The following AGBL1 variants were observed in gnomAD, a reference collection of about 807,000 sequenced individuals.
The protein encoded by AGBL1 is AGBL carboxypeptidase 1, also known as cytosolic carboxypeptidase 4.
In AGBL1, 130 loss-of-function variants were observed where a neutral mutation model predicts 118.9. That is an observed-to-expected ratio of 1.09 (90% CI 0.95 to 1.26). The LOEUF is 1.26. Ranked by LOEUF, AGBL1 falls within the 50% of genes most tolerant of loss-of-function variation. AGBL1 has a pLI of 0.00. For synonymous variants in AGBL1, 555 were observed against 478.9 expected (o/e 1.16, Z -2.08); for missense variants, 1,584 against 1,298.1 (o/e 1.22, Z -3.38).
Position 86,566,207 on chromosome 15 carries a change from T to C in AGBL1, c.2994+11670T>C, listed in dbSNP as rs373164300. ...CAGTTGGAAATGCATACATCACCCG[T>C]CTTCTGCATCAGTCACACTGGGAGC... On this transcript the variant is annotated intron_variant, in intron 21 of 22. Transcript: ENST00000614907. Among the ~76,000 whole-genome samples, 8 of 152,266 alleles carry C rather than the reference T, an allele frequency of 5.3e-5. No individual in the cohort carries two copies. In the East Asian group the frequency reaches 1.5e-3, roughly 29 times the overall value.
At chr15:86,288,874 G>C (rs1378575554) in intron 16 of AGBL1, among the ~76,000 whole-genome samples, 1 of 151,686 alleles carries the variant, frequency 6.6e-6, no homozygotes, top group African/African-American at 2.4e-5. Context: ...CATATTATTT[G>C]ATTCTTAAGA....
chr15:86,574,192 C>T (rs774639576), intron 21 of AGBL1, among the ~76,000 whole-genome samples: 21 of 152,166 alleles, frequency 1.4e-4, no homozygotes, highest in Non-Finnish European at 2.6e-4. Flanking sequence ...AAAAGGAAGG[C>T]GAGAGCATTT....
chr15:86,924,974 C>A (rs2080516028), intron 23 of AGBL1, among the ~76,000 whole-genome samples: 1 of 151,628 alleles, frequency 6.6e-6, no homozygotes, highest in Middle Eastern at 3.4e-3. Flanking sequence ...TGGTGGTGGG[C>A]ACCTGTAGTC....
chr15:86,420,410 G>C (rs2081771087), intron 18 of AGBL1, among the ~76,000 whole-genome samples: 1 of 152,164 alleles, frequency 6.6e-6, no homozygotes. Flanking sequence ...AATCAGAAAG[G>C]AATAGCATCA....
intron 5 of AGBL1, among the ~76,000 whole-genome samples, chr15:86,171,651 G>A (rs1173681110): frequency 6.6e-6 from 1 of 151,936 alleles, no homozygotes; most frequent in East Asian, 1.9e-4. Context: ...TAACTCCTGA[G>A]TGGAGTTCCT....
intron 16 of AGBL1, among the ~76,000 whole-genome samples, chr15:86,286,410 C>A (rs2079448520): frequency 4.1e-5 from 6 of 146,064 alleles, no homozygotes; most frequent in South Asian, 4.4e-4. Context: ...AGACGTTATT[C>A]CTCTTGTCTA....
intron 1 of AGBL1, among the ~76,000 whole-genome samples, chr15:86,106,823 T>C (rs1160617751): frequency 6.6e-6 from 1 of 152,182 alleles, no homozygotes; most frequent in African/African-American, 2.4e-5. Flanking sequence ...GTTCTTGGAG[T>C]TGCTCATAGA....
chr15:86,795,855 G>A (rs1448060551), intron 22 of AGBL1, among the ~76,000 whole-genome samples: 1 of 151,374 alleles, frequency 6.6e-6, no homozygotes, highest in Non-Finnish European at 1.5e-5. Context: ...CAAAGTGCTG[G>A]GATTACAGGC....
At chr15:86,541,136 A>C (rs2142241316) in intron 19 of AGBL1, among the ~76,000 whole-genome samples, 1 of 152,328 alleles carries the variant, frequency 6.6e-6, no homozygotes, top group African/African-American at 2.4e-5. Context: ...AAGATGTAAG[A>C]GGTAAAAGTT....
rs1447633586 is a variant in AGBL1 at position 86,353,262 on chromosome 15, AC to A, written c.2375-44103del. Among the ~76,000 whole-genome samples the A allele has an allele frequency of 5.9e-5, 9 of 152,316 alleles. No individual in the cohort carries two copies. In the East Asian group the frequency reaches 1.7e-3, roughly 29 times the overall value. ...AGGCTGTTGCCAGGAAAAGAGTAAG[AC>A]AGAGTTTCACAAAACTCTATTTGCA... On this transcript the variant is annotated intron_variant, in intron 17 of 22. Coordinates refer to ENST00000614907, the MANE Select transcript of AGBL1 (RefSeq NM_001386094.1).
chr15:86,821,558 A>G (rs1411246411), intron 22 of AGBL1, among the ~76,000 whole-genome samples: 2 of 152,192 alleles, frequency 1.3e-5, no homozygotes, highest in South Asian at 2.1e-4. Flanking sequence ...TAAAGCATTC[A>G]TGATGACTCA....
Position 86,269,901 on chromosome 15 carries a change from C to G in AGBL1, c.1839-18C>G. ...AAGACTTTCCAGATAACCCTCCAGTCTTGCTTCTGATCTGCAGGTTCGAGT... is the reference window on the plus strand; with the variant it reads ...AAGACTTTCCAGATAACCCTCCAGTGTTGCTTCTGATCTGCAGGTTCGAGT... On this transcript the variant is annotated intron_variant, in intron 13 of 22. Coordinates refer to ENST00000614907, the MANE Select transcript of AGBL1 (RefSeq NM_001386094.1). The G allele has an allele frequency of 6.2e-7, 1 of 1,612,384 alleles. No individual in the cohort carries two copies. The highest frequency in any genetic ancestry group is 1.7e-5 in the Admixed American group (1 of 59,928).
At chr15:86,194,217 T>G (rs1336264443) in intron 5 of AGBL1, among the ~76,000 whole-genome samples, 1 of 152,172 alleles carries the variant, frequency 6.6e-6, no homozygotes, top group African/African-American at 2.4e-5. Flanking sequence ...GCTCTATAAT[T>G]AGATTTTTCA....
chr15:86,519,177 C>G (rs188629368), intron 18 of AGBL1, among the ~76,000 whole-genome samples: 1,553 of 152,212 alleles, frequency 0.01, 13 homozygotes, highest in Non-Finnish European at 0.015. Context: ...GATGCTCAAG[C>G]CTCTTATATA....
chr15:86,096,387 A>G (rs1896384505), intron 1 of AGBL1, among the ~76,000 whole-genome samples: 5 of 152,196 alleles, frequency 3.3e-5, no homozygotes, highest in Admixed American at 3.3e-4. Context: ...TACTGAGAAT[A>G]AACATTTTTC....
At chr15:86,768,375 C>T (rs2078126165) in intron 22 of AGBL1, among the ~76,000 whole-genome samples, 1 of 151,942 alleles carries the variant, frequency 6.6e-6, no homozygotes, top group Non-Finnish European at 1.5e-5. Flanking sequence ...ACTGCTATAG[C>T]CCGCAAGCAT....
chr15:86,426,543 C>CAGATGG (rs2081868403), intron 18 of AGBL1, among the ~76,000 whole-genome samples: 1 of 152,190 alleles, frequency 6.6e-6, no homozygotes, highest in Admixed American at 6.5e-5. Context: ...CAACTTCAGC[C>CAGATGG]AGATGGAACC....
At chr15:86,562,016 C>A (rs12901374) in intron 21 of AGBL1, among the ~76,000 whole-genome samples, 3 of 151,958 alleles carry the variant, frequency 2.0e-5, no homozygotes, top group Non-Finnish European at 4.4e-5. Flanking sequence ...TATCCTGAGA[C>A]TTTGCTGAAG....
chr15:86,953,593 G>A (rs146620381), intron 23 of AGBL1, among the ~76,000 whole-genome samples: 9,022 of 151,892 alleles, frequency 0.059, 420 homozygotes, highest in East Asian at 0.24. Context: ...GTTTCACCAT[G>A]TTGGCCAGGC....
Sources: gnomAD v4.1 joint callset for allele counts (sites outside exome capture counted in the v4.1 genomes callset) on GRCh38, gnomAD v4.1.1 for gene constraint, MANE v1.5 for transcripts, NCBI Gene and HGNC (gene_info 2026-07-23, HGNC 2026-07-21) for gene names.